Variants in MYO1E observed in about 807,000 individuals in gnomAD.
The protein encoded by MYO1E is unconventional myosin-Ie.
In MYO1E, 68 loss-of-function variants were observed where a neutral mutation model predicts 151.1. That is an observed-to-expected ratio of 0.45 (90% CI 0.37 to 0.55). The LOEUF is 0.55. Ranked by LOEUF, MYO1E falls within the 20% of genes least tolerant of loss-of-function variation. MYO1E has a pLI of 0.00. For synonymous variants in MYO1E, 601 were observed against 501.7 expected, an observed-to-expected ratio of 1.20 and a Z score of -2.64; for missense variants, 1,363 against 1,389.3, an observed-to-expected ratio of 0.98 and a Z score of 0.30.
chr15:59,349,715 T>C (rs1242362352), intron 1 of MYO1E, among the ~76,000 whole-genome samples: 7 of 152,104 alleles, frequency 4.6e-5, no homozygotes, highest in African/African-American at 1.7e-4. Flanking sequence ...CTCCCCAAAC[T>C]AGGAGATATG....
intron 1 of MYO1E, among the ~76,000 whole-genome samples, chr15:59,361,940 G>A (rs1373436767): frequency 1.3e-5 from 2 of 152,018 alleles, no homozygotes; most frequent in African/African-American, 2.4e-5. Context: ...GGGTTCAAAC[G>A]ATTCTCCTGC....
rs1477045310 is a variant in MYO1E, at chr15:59,132,580, A to G, written c.*4800T>C. 2 of 152,230 alleles carry G rather than the reference A, an allele frequency of 1.3e-5. No individual in the cohort carries two copies. Among genetic ancestry groups the G allele is most frequent in the African/African-American group, 2.4e-5 (1 of 41,462 alleles). 9.4% of individuals were successfully genotyped at this position (152,230 alleles called of 1,614,324 possible). A position where few individuals can be genotyped will look rare whatever the true frequency, so the allele number is the denominator to read the frequency against. ...CAAACTAAAATGTCATAAATGGGAA[A>G]TGAGTGGCAGAAGTAGAAACCATAT... On this transcript the variant is annotated 3_prime_UTR_variant, in exon 28 of 28. Transcript: ENST00000288235.
At chr15:59,352,286 G>A (rs1013366889) in intron 1 of MYO1E, among the ~76,000 whole-genome samples, 5 of 152,134 alleles carry the variant, frequency 3.3e-5, no homozygotes, top group African/African-American at 1.2e-4. Context: ...TATTTGGCAC[G>A]TCCCTAACCT....
rs35229671 is a variant in MYO1E, at chr15:59,252,714, CA to C, written c.332+3569del. On this transcript the variant is annotated intron_variant, in intron 4 of 27. Coordinates refer to ENST00000288235, the MANE Select transcript of MYO1E (RefSeq NM_004998.4). ...TGGGCGACAGAGTGAGACTCTGTCT[CA>C]AAAAAAAAAAAAAGCGAAAGAATTA... Among the ~76,000 whole-genome samples, 387 of 117,152 alleles carry C rather than the reference CA, an allele frequency of 3.3e-3. 1 individual carries two copies. Among genetic ancestry groups the C allele is most frequent in the Admixed American group, 0.013 (150 of 11,844 alleles). The allele number at this position is 117,152 out of a possible 152,430, so 76.9% of individuals were successfully genotyped here. A position where few individuals can be genotyped will look rare whatever the true frequency, so the allele number is the denominator to read the frequency against.
chr15:59,292,750 G>A (rs1166989719), intron 1 of MYO1E, among the ~76,000 whole-genome samples: 7 of 152,186 alleles, frequency 4.6e-5, no homozygotes, highest in Non-Finnish European at 8.8e-5. Context: ...AAACAAGACC[G>A]CGAAATGAGC....
At chr15:59,312,566 A>G (rs1441243553) in intron 1 of MYO1E, among the ~76,000 whole-genome samples, 1 of 152,126 alleles carries the variant, frequency 6.6e-6, no homozygotes, top group Non-Finnish European at 1.5e-5. Context: ...CAATGGCATC[A>G]TAGCTCCCTG....
chr15:59,189,755 T>C (rs1378733556), intron 17 of MYO1E, among the ~76,000 whole-genome samples: 1 of 152,202 alleles, frequency 6.6e-6, no homozygotes, highest in Admixed American at 6.5e-5. Flanking sequence ...TTTGTCTTTT[T>C]TCGTAGAGAC....
At chr15:59,362,264 T>G (rs1258453643) in intron 1 of MYO1E, among the ~76,000 whole-genome samples, 3 of 152,254 alleles carry the variant, frequency 2.0e-5, no homozygotes, top group Non-Finnish European at 4.4e-5. Flanking sequence ...CAGATATGCG[T>G]CTTTCTACAA....
chr15:59,362,554 T>A (rs956690682), intron 1 of MYO1E, among the ~76,000 whole-genome samples: 1 of 152,260 alleles, frequency 6.6e-6, no homozygotes, highest in East Asian at 1.9e-4. Context: ...TCATTTTGCA[T>A]TGATGCATAT....
At position 59,350,872 on chromosome 15, in the gene MYO1E, GTTGT is replaced by G. The variant is rs1409499528; in HGVS notation, c.3+21622_3+21625del. ...AAATGAGTCTTTATTTGTTGTTGTT[GTTGT>G]TTGTTTGGTTGGTTGGTTTTTTGTT... On this transcript the variant is annotated intron_variant, in intron 1 of 27. Transcript: ENST00000288235. The surrounding 1 kb of genome is among the most constrained non-coding windows in gnomAD (Gnocchi z 5.0). Among the ~76,000 whole-genome samples, 6 of 151,028 alleles carry G rather than the reference GTTGT, an allele frequency of 4.0e-5. No individual in the cohort carries two copies. The East Asian group carries it at 1.2e-3, about 30-fold the overall frequency.
At chr15:59,223,229 C>A in intron 8 of MYO1E, 38 bp from the exon 9 acceptor site, 3 of 1,612,000 alleles carry the variant, frequency 1.9e-6, no homozygotes, top group South Asian at 2.2e-5. Flanking sequence ...AGAAGCTGGT[C>A]ACCAGCTTTA....
At chr15:59,209,782 T>C (rs765641988) in intron 13 of MYO1E, among the ~76,000 whole-genome samples, 7 of 149,480 alleles carry the variant, frequency 4.7e-5, no homozygotes, top group Non-Finnish European at 1.0e-4. Flanking sequence ...CCTATAGAGA[T>C]ATTTGTTCTG....
At chr15:59,297,000 C>CA in intron 1 of MYO1E, among the ~76,000 whole-genome samples, 1 of 46,880 alleles carries the variant, frequency 2.1e-5, no homozygotes, top group African/African-American at 4.9e-5. Flanking sequence ...CTACCACGCC[C>CA]GGCTAATCGC....
chr15:59,225,235 C>A (rs1051113997), intron 7 of MYO1E, among the ~76,000 whole-genome samples: 4 of 152,198 alleles, frequency 2.6e-5, no homozygotes, highest in Admixed American at 6.5e-5. Context: ...TCTTTAGAAG[C>A]TTTTCCTTGA....
intron 19 of MYO1E, among the ~76,000 whole-genome samples, chr15:59,178,134 G>A (rs532017991): frequency 2.7e-4 from 41 of 152,356 alleles, no homozygotes; most frequent in African/African-American, 9.9e-4. Flanking sequence ...CAGTCAGCGA[G>A]GAAGGAGCCA....
Position 59,324,663 on chromosome 15 carries a change from G to GCCCCCC in MYO1E, c.3+47829_3+47834dup, listed in dbSNP as rs10717159. 1.6e-4 allele frequency among the ~76,000 whole-genome samples: 24 copies of GCCCCCC among 148,064 alleles called. 1 individual carries two copies. The highest frequency in any genetic ancestry group is 4.1e-4 in the African/African-American group (16 of 39,442). ...CTCGCCGTATTTATCCCCATCCCAA[G>GCCCCCC]CCCCCCCCCCACAGAGGGCAGCATA... On this transcript the variant is annotated intron_variant, in intron 1 of 27. Coordinates refer to ENST00000288235, the MANE Select transcript of MYO1E (RefSeq NM_004998.4).
intron 1 of MYO1E, among the ~76,000 whole-genome samples, chr15:59,320,813 CAAA>C (rs1359912459): frequency 6.6e-6 from 1 of 152,064 alleles, no homozygotes; most frequent in South Asian, 2.1e-4. Context: ...ACAACTGCAA[CAAA>C]AACAAAAATT....
intron 22 of MYO1E, among the ~76,000 whole-genome samples, chr15:59,165,008 CACA>C (rs1340126526): frequency 6.6e-6 from 1 of 152,154 alleles, no homozygotes; most frequent in African/African-American, 2.4e-5. Flanking sequence ...CATGTGAGGA[CACA>C]ACAAGAGGCG....
At chr15:59,315,253 A>G (rs1487906415) in intron 1 of MYO1E, among the ~76,000 whole-genome samples, 1 of 152,058 alleles carries the variant, frequency 6.6e-6, no homozygotes, top group Non-Finnish European at 1.5e-5. Context: ...TGCCCCCAAA[A>G]GCCTTAACTA....
Sources: gnomAD v4.1 joint callset for allele counts (sites outside exome capture counted in the v4.1 genomes callset) on GRCh38, gnomAD v4.1.1 for gene constraint, Gnocchi (gnomAD v3.1) non-coding constraint, MANE v1.5 for transcripts, NCBI Gene and HGNC (gene_info 2026-07-23, HGNC 2026-07-21) for gene names.